Variants in CASK observed in about 807,000 individuals in gnomAD.
The protein encoded by CASK is peripheral plasma membrane protein CASK.
CASK carries 4 observed loss-of-function variants against 82.9 expected under a neutral mutation model. That is an observed-to-expected ratio of 0.05 (90% CI 0.02 to 0.11). The LOEUF (loss-of-function observed/expected upper bound fraction) is 0.11, where lower values mean the gene tolerates loss of function less well. Ranked by LOEUF, CASK falls within the 10% of genes least tolerant of loss-of-function variation. The pLI, the probability that CASK is intolerant of heterozygous loss-of-function variation, is 1.00. For missense variants in CASK, 358 were observed against 720.9 expected, an observed-to-expected ratio of 0.50 and a Z score of 5.76; for synonymous variants, 259 against 253.5, an observed-to-expected ratio of 1.02 and a Z score of -0.20.
At chrX:41,665,100 T>C (rs1487707972) in intron 7 of CASK, among the ~76,000 whole-genome samples, 177 bp downstream of exon 7, 2 of 112,612 alleles carry the variant, frequency 1.8e-5, no homozygotes, top group Non-Finnish European at 1.9e-5. Flanking sequence ...GAAATTTACT[T>C]GAGGCCTATG....
chrX:41,536,715 A>C (rs1167214960), intron 22 of CASK, among the ~76,000 whole-genome samples: 1 of 112,260 alleles, frequency 8.9e-6, no homozygotes, highest in Non-Finnish European at 1.9e-5. Context: ...AAAGTCTTTA[A>C]AGCATATCCT....
At chrX:41,764,667 T>C (rs1207931220) in intron 3 of CASK, among the ~76,000 whole-genome samples, 1 of 111,727 alleles carries the variant, frequency 9.0e-6, no homozygotes, top group Non-Finnish European at 1.9e-5. Flanking sequence ...TCCTTTCTAA[T>C]TCCTAATTCA....
chrX:41,759,593 T>C (rs1424506709), intron 3 of CASK, among the ~76,000 whole-genome samples: 1 of 111,377 alleles, frequency 9.0e-6, no homozygotes, highest in Admixed American at 9.6e-5. Flanking sequence ...AGTTCAGGTG[T>C]TGGGATGGCC....
At chrX:41,632,346 A>T (rs1354369581) in intron 9 of CASK, among the ~76,000 whole-genome samples, 1 of 111,742 alleles carries the variant, frequency 8.9e-6, no homozygotes, top group African/African-American at 3.2e-5. Flanking sequence ...TTGCCAAAAA[A>T]TATCTATTAT....
rs1359658553 is a variant in CASK, at chrX:41,774,834, A to G, written c.278+12344T>C. ...TGCTGGGAAAACTGGCTAGCCATAT[A>G]TAGAAAGCTGAAACTGGATCCCTTC... On this transcript the variant is annotated intron_variant, in intron 3 of 26. Transcript: ENST00000378163. Among the ~76,000 whole-genome samples, 332 of 111,223 alleles carry G rather than the reference A, an allele frequency of 3.0e-3. 1 individual carries two copies. The highest frequency in any genetic ancestry group is 0.01 in the African/African-American group (312 of 30,559).
intron 2 of CASK, among the ~76,000 whole-genome samples, chrX:41,809,380 C>T (rs1158601291): frequency 8.9e-6 from 1 of 112,167 alleles, no homozygotes; most frequent in Admixed American, 9.4e-5. Flanking sequence ...GGGTACCCCT[C>T]TGAGACGAAG....
chrX:41,579,628 A>G (rs994026209), intron 14 of CASK, among the ~76,000 whole-genome samples: 2 of 112,302 alleles, frequency 1.8e-5, no homozygotes, highest in Non-Finnish European at 3.8e-5. Flanking sequence ...TTATACAAAG[A>G]TTATATTTTC....
At chrX:41,739,761 A>AT (rs1220550100) in intron 4 of CASK, among the ~76,000 whole-genome samples, 1 of 112,210 alleles carries the variant, frequency 8.9e-6, no homozygotes. Flanking sequence ...AAACATGACA[A>AT]TTTTTTTCCC....
chrX:41,740,528 T>A (rs892046226), intron 4 of CASK, among the ~76,000 whole-genome samples: 7 of 111,744 alleles, frequency 6.3e-5, no homozygotes, highest in Non-Finnish European at 1.1e-4. Context: ...TTCCATCAAG[T>A]TCCCTCTTTG....
chrX:41,620,779 T>C (rs2066276905), intron 11 of CASK, among the ~76,000 whole-genome samples: 1 of 112,256 alleles, frequency 8.9e-6, no homozygotes, highest in Non-Finnish European at 1.9e-5. Flanking sequence ...CATAAGCATC[T>C]GTGCCATATC....
At chrX:41,575,266 T>A (rs1332180055) in intron 15 of CASK, among the ~76,000 whole-genome samples, 2 of 111,746 alleles carry the variant, frequency 1.8e-5, no homozygotes, top group Non-Finnish European at 3.8e-5. Flanking sequence ...TCAAACCAAC[T>A]GTAGTTAACA....
intron 5 of CASK, among the ~76,000 whole-genome samples, chrX:41,702,166 A>T (rs988678464): frequency 9.0e-6 from 1 of 110,700 alleles, no homozygotes; most frequent in African/African-American, 3.3e-5. Flanking sequence ...TGGGTGGATC[A>T]CCTGAGGTCA....
At chrX:41,822,196 G>C (rs2070558132) in intron 2 of CASK, among the ~76,000 whole-genome samples, 1 of 112,302 alleles carries the variant, frequency 8.9e-6, no homozygotes, top group Non-Finnish European at 1.9e-5. Context: ...CTAATGTGTT[G>C]TATTGCACCT....
At chrX:41,778,299 C>T (rs1294202110) in intron 3 of CASK, among the ~76,000 whole-genome samples, 1 of 107,424 alleles carries the variant, frequency 9.3e-6, no homozygotes, top group East Asian at 2.9e-4. Flanking sequence ...GGTGTGATCT[C>T]GGCTCACTGC....
chrX:41,788,725 G>T (rs1206430901), intron 2 of CASK, among the ~76,000 whole-genome samples: 1 of 111,632 alleles, frequency 9.0e-6, no homozygotes, highest in Non-Finnish European at 1.9e-5. Flanking sequence ...GTTGTAAATA[G>T]CTGGAGAAGG....
intron 5 of CASK, among the ~76,000 whole-genome samples, chrX:41,717,398 AT>A (rs1396479151): frequency 8.9e-6 from 1 of 112,395 alleles, no homozygotes; most frequent in East Asian, 2.8e-4. Context: ...CTAGACTAGC[AT>A]TGTTGCCTGC....
At chrX:41,813,100 A>G (rs1381304456) in intron 2 of CASK, among the ~76,000 whole-genome samples, 3 of 111,844 alleles carry the variant, frequency 2.7e-5, no homozygotes, top group African/African-American at 9.8e-5. Flanking sequence ...GAGGACACAA[A>G]CAAATGGAAG....
intron 1 of CASK, among the ~76,000 whole-genome samples, chrX:41,914,344 G>GA (rs2072633748): frequency 8.9e-6 from 1 of 112,298 alleles, no homozygotes; most frequent in Non-Finnish European, 1.9e-5. Flanking sequence ...AAGATTGGGA[G>GA]AAAAAACAAT....
chrX:41,860,521 A>G (rs1057052742), intron 1 of CASK, among the ~76,000 whole-genome samples: 5 of 112,340 alleles, frequency 4.5e-5, no homozygotes, highest in African/African-American at 1.6e-4. Flanking sequence ...AATTTCATCA[A>G]TAAATCCTTT....
Sources: gnomAD v4.1 joint callset for allele counts (sites outside exome capture counted in the v4.1 genomes callset) on GRCh38, gnomAD v4.1.1 for gene constraint, MANE v1.5 for transcripts, NCBI Gene and HGNC (gene_info 2026-07-23, HGNC 2026-07-21) for gene names.